The following PCDH15 variants were observed in gnomAD, a reference collection of about 807,000 sequenced individuals.
The protein encoded by PCDH15 is protocadherin related 15.
PCDH15 carries 129 observed loss-of-function variants against 178.5 expected under a neutral mutation model. The ratio of observed to expected loss-of-function variants is 0.72; its 90% CI spans 0.63 to 0.84. The LOEUF (loss-of-function observed/expected upper bound fraction) is 0.84, where lower values mean the gene tolerates loss of function less well. Ranked by LOEUF, PCDH15 falls within the 40% of genes least tolerant of loss-of-function variation. PCDH15 has a pLI of 0.00. For synonymous variants in PCDH15, 800 were observed against 732.0 expected, an observed-to-expected ratio of 1.09 and a Z score of -1.50; for missense variants, 2,230 against 2,099.9, an observed-to-expected ratio of 1.06 and a Z score of -1.21.
intron 2 of PCDH15, among the ~76,000 whole-genome samples, chr10:55,476,767 T>G (rs1054706060): frequency 6.6e-6 from 1 of 152,042 alleles, no homozygotes; most frequent in Non-Finnish European, 1.5e-5. Context: ...ATCTGTAGGA[T>G]TTTCCTTCCA....
intron 2 of PCDH15, among the ~76,000 whole-genome samples, chr10:55,623,991 A>G (rs541126105): frequency 6.6e-6 from 1 of 152,038 alleles, no homozygotes; most frequent in Non-Finnish European, 1.5e-5. Context: ...AAGAAAATGA[A>G]TTTCTAGAGC....
intron 22 of PCDH15, among the ~76,000 whole-genome samples, chr10:53,960,414 T>A (rs554938839): frequency 6.6e-6 from 1 of 152,294 alleles, no homozygotes; most frequent in East Asian, 1.9e-4. Flanking sequence ...AAACAAATTA[T>A]AAGGCCAAGT....
intron 29 of PCDH15, among the ~76,000 whole-genome samples, chr10:53,833,458 G>A (rs2077129227): frequency 6.6e-6 from 1 of 151,984 alleles, no homozygotes; most frequent in African/African-American, 2.4e-5. Flanking sequence ...ACTTGTCTGG[G>A]TAAAAATTCT....
chr10:55,470,976 CT>C (rs1408568715), intron 2 of PCDH15, among the ~76,000 whole-genome samples: 1 of 151,890 alleles, frequency 6.6e-6, no homozygotes, highest in Non-Finnish European at 1.5e-5. Context: ...CCTCCATGTC[CT>C]TTTATGTCTT....
In PCDH15 at chr10:54,934,834, G is replaced by A. The variant is rs529850954; in HGVS notation, c.-79-37334C>T. 8.6e-5 allele frequency among the ~76,000 whole-genome samples: 13 copies of A among 151,958 alleles called. No homozygotes were observed. In the South Asian group the frequency reaches 2.3e-3, roughly 27 times the overall value. On this transcript the variant is annotated intron_variant, in intron 2 of 5. Transcript: ENST00000458638. The stretch of plus-strand genomic sequence containing the variant: ...GCAAAGACTTGGAACCAACCCAAAT[G>A]TCCAACAATGATAGACTGGATTAAG...
intron 26 of PCDH15, among the ~76,000 whole-genome samples, chr10:53,893,667 C>T (rs1426378145): frequency 1.3e-5 from 2 of 152,106 alleles, no homozygotes; most frequent in African/African-American, 4.8e-5. Context: ...GAGTTGGAGG[C>T]CATTATTCTA....
chr10:54,314,153 A>T (rs12263608), intron 8 of PCDH15, among the ~76,000 whole-genome samples: 7,163 of 151,788 alleles, frequency 0.047, 527 homozygotes, highest in African/African-American at 0.16. Flanking sequence ...ACACACACAC[A>T]CACACACACA....
At chr10:55,307,059 GTCTTCTCAATAAAATACA>G (rs1263289511) in intron 1 of PCDH15, among the ~76,000 whole-genome samples, 1 of 151,622 alleles carries the variant, frequency 6.6e-6, no homozygotes, top group Non-Finnish European at 1.5e-5. Flanking sequence ...CTATCATTAT[GTCTTCTCAATAAAATACA>G]TCTTAAAATA....
chr10:55,086,230 T>C (rs1413512241), intron 2 of PCDH15, among the ~76,000 whole-genome samples: 2 of 151,992 alleles, frequency 1.3e-5, no homozygotes, highest in African/African-American at 2.4e-5. Context: ...TTGTAATCAC[T>C]CTCATAGTTT....
chr10:54,064,563 A>G (rs1426067844), intron 18 of PCDH15, among the ~76,000 whole-genome samples: 1 of 152,042 alleles, frequency 6.6e-6, no homozygotes, highest in African/African-American at 2.4e-5. Flanking sequence ...TTATGAGGAG[A>G]AGTGCCTGCA....
At chr10:53,819,977 AG>A in intron 33 of PCDH15, among the ~76,000 whole-genome samples, 187 bp downstream of exon 33, 1 of 152,156 alleles carries the variant, frequency 6.6e-6, no homozygotes, top group Non-Finnish European at 1.5e-5. Context: ...TTATAGAAAA[AG>A]GCAATATAAC....
At chr10:54,153,314 A>T (rs766058110) in intron 13 of PCDH15, 21 bp from the exon 14 acceptor site, 1 of 1,613,270 alleles carries the variant, frequency 6.2e-7, no homozygotes, top group East Asian at 2.2e-5. Flanking sequence ...AAATCACAAC[A>T]TAAATCCTCT....
Position 53,871,480 on chromosome 10 carries a change from G to GTGTA in PCDH15, c.3502-4624_3502-4623insTACA, listed in dbSNP as rs1164989375. Reference sequence around the variant, plus strand: ...TGTGTGTGTGTGTGTGTGTGTGTGTGTATATACACAAAAATATAAATATGA... The same window carrying GTGTA: ...TGTGTGTGTGTGTGTGTGTGTGTGTGTGTATATATACACAAAAATATAAATATGA... On this transcript the variant is annotated intron_variant, in intron 26 of 37. Transcript: ENST00000644397. Among the ~76,000 whole-genome samples, 1,475 of 150,208 alleles carry GTGTA rather than the reference G, an allele frequency of 9.8e-3. 22 individuals are homozygous for GTGTA. Among genetic ancestry groups the GTGTA allele is most frequent in the African/African-American group, 0.035 (1,408 of 40,576 alleles).
At chr10:54,655,262 G>GAGAGAGAGAGAGAGAT (rs1470570938) in intron 2 of PCDH15, among the ~76,000 whole-genome samples, 10 of 75,108 alleles carry the variant, frequency 1.3e-4, no homozygotes, top group Non-Finnish European at 2.6e-4. Flanking sequence ...AAGAAAGAGA[G>GAGAGAGAGAGAGAGAT]AGAGAGAGAG....
chr10:55,196,253 G>C (rs1405579495), intron 1 of PCDH15, among the ~76,000 whole-genome samples: 1 of 151,926 alleles, frequency 6.6e-6, no homozygotes, highest in African/African-American at 2.4e-5. Context: ...CATTCACACT[G>C]TAGTTATCTG....
At chr10:54,586,931 C>T (rs2091511658) in intron 2 of PCDH15, among the ~76,000 whole-genome samples, 1 of 152,008 alleles carries the variant, frequency 6.6e-6, no homozygotes, top group Admixed American at 6.6e-5. Context: ...CTGTTTTGTT[C>T]TCTGTTATTT....
intron 2 of PCDH15, among the ~76,000 whole-genome samples, chr10:54,555,115 T>C (rs1018499519): frequency 2.6e-5 from 4 of 152,180 alleles, no homozygotes; most frequent in African/African-American, 9.7e-5. Context: ...GGGTCATTAA[T>C]TCCCTGATGT....
chr10:54,135,288 C>T (rs1417401219), intron 14 of PCDH15, among the ~76,000 whole-genome samples: 1 of 151,836 alleles, frequency 6.6e-6, no homozygotes, highest in Non-Finnish European at 1.5e-5. Context: ...TTTAAACTTT[C>T]ATAGTTAAAA....
intron 2 of PCDH15, among the ~76,000 whole-genome samples, chr10:55,333,069 A>T (rs1251827043): frequency 6.6e-6 from 1 of 152,204 alleles, no homozygotes; most frequent in African/African-American, 2.4e-5. Context: ...TACTTTTAAC[A>T]TATAAAGATA....
Sources: gnomAD v4.1 joint callset for allele counts (sites outside exome capture counted in the v4.1 genomes callset) on GRCh38, gnomAD v4.1.1 for gene constraint, MANE v1.5 for transcripts, NCBI Gene and HGNC (gene_info 2026-07-23, HGNC 2026-07-21) for gene names.